The following HTT variants were observed in gnomAD, a reference collection of about 807,000 sequenced individuals.
HTT encodes the protein huntingtin.
HTT carries 104 observed loss-of-function variants against 362.3 expected under a neutral mutation model. The observed-to-expected ratio is 0.29, with a 90% CI of 0.24 to 0.34. The LOEUF (loss-of-function observed/expected upper bound fraction) is 0.34, where lower values mean the gene tolerates loss of function less well. Ranked by LOEUF, HTT falls within the 10% of genes least tolerant of loss-of-function variation. The probability of loss-of-function intolerance (pLI) is 1.00; values close to 1 mark genes in which losing one functional copy is unlikely to be tolerated. For synonymous variants in HTT, 1,577 were observed against 1,548.7 expected (o/e 1.02, Z -0.43); for missense variants, 3,301 against 3,928.6 (o/e 0.84, Z 4.27).
chr4:3,207,082 C>T, intron 44 of HTT, 99 bp downstream of exon 44: 1 of 1,236,922 alleles, frequency 8.1e-7, no homozygotes, highest in Non-Finnish European at 1.1e-6. Flanking sequence ...ATGGTCTTGA[C>T]ATGGTCACCG....
In HTT at chr4:3,206,902, C is replaced by T; in HGVS notation, c.5994C>T (p.Cys1998=). ...VLTLYVDRLL[C]TPFRVLARMV... Reference sequence around the variant, plus strand: ...CGCTGTATGTGGACAGGCTTCTGTGCACCCCTTTCCGTGTGCTGGCTCGCA... The same window carrying T: ...CGCTGTATGTGGACAGGCTTCTGTGTACCCCTTTCCGTGTGCTGGCTCGCA... The change falls in exon 44 of 67, where the codon TGC becomes TGT. Residue 1998 remains cysteine (C), a synonymous_variant. Coordinates refer to ENST00000355072, the MANE Select transcript of HTT (RefSeq NM_001388492.1). The surrounding 1 kb of genome is among the most constrained non-coding windows in gnomAD (Gnocchi z 4.6). 1.9e-6 allele frequency: 3 copies of T among 1,614,170 alleles called. No individual in the cohort carries two copies. Among genetic ancestry groups the T allele is most frequent in the Non-Finnish European group, 2.5e-6 (3 of 1,180,030 alleles).
chr4:3,121,499 T>A (rs1715295184), intron 9 of HTT, 67 bp downstream of exon 9: 1 of 1,075,624 alleles, frequency 9.3e-7, no homozygotes, highest in Non-Finnish European at 1.4e-6. Flanking sequence ...CTCTATTGAT[T>A]ATGGGCCTGC....
intron 40 of HTT, among the ~76,000 whole-genome samples, chr4:3,193,697 G>T (rs908774219): frequency 6.6e-6 from 1 of 152,210 alleles, no homozygotes; most frequent in African/African-American, 2.4e-5. Context: ...CACATGTGGT[G>T]TTCTGTACCT....
chr4:3,240,277 C>G lies in HTT; in HGVS notation c.*218C>G. 1 of 589,866 alleles carries G rather than the reference C, an allele frequency of 1.7e-6. No individual in the cohort carries two copies. Among genetic ancestry groups the G allele is most frequent in the Non-Finnish European group, 3.0e-6 (1 of 330,936 alleles). The allele number at this position is 589,866 out of a possible 1,614,324, so 36.5% of individuals were successfully genotyped here. On this transcript the variant is annotated 3_prime_UTR_variant, in exon 67 of 67. Coordinates refer to ENST00000355072, the MANE Select transcript of HTT (RefSeq NM_001388492.1). ...GTCTGCAGTCCTGGTGGGGCTGAGC[C>G]TGAGGCCTTCCAGAAAGCAGGAGCA...
chr4:3,146,645 G>T, intron 24 of HTT, 152 bp from the exon 25 acceptor site: 2 of 674,034 alleles, frequency 3.0e-6, no homozygotes, highest in Non-Finnish European at 5.1e-6. Flanking sequence ...CTGATTTATA[G>T]GAAAGATGTT....
intron 25 of HTT, among the ~76,000 whole-genome samples, chr4:3,147,624 A>C (rs1424770415): frequency 6.6e-6 from 1 of 152,222 alleles, no homozygotes; most frequent in Non-Finnish European, 1.5e-5. Context: ...AGGAGAAGGT[A>C]GGGAGACTCA....
At position 3,214,042 on chromosome 4, in the gene HTT, C is replaced by T; in HGVS notation, c.6859C>T (p.Gln2287Ter). 1 of 1,609,584 alleles carries T rather than the reference C, an allele frequency of 6.2e-7. No homozygotes were observed. The highest frequency in any genetic ancestry group is 8.5e-7 in the Non-Finnish European group (1 of 1,177,724). ...GCTGGACTGCTGCTGCCTGGCCCTG[C>T]AGCTGCCTGGCCTCTGGAGCGTGGT... ...AGLDCCCLAL[Q>*]LPGLWSVVSS... The change falls in exon 50 of 67, where the codon CAG (glutamine) becomes TAG (stop). Residue 2287 changes from glutamine (Q) to a stop codon, truncating the protein, a stop_gained. Transcript: ENST00000355072. LOFTEE classifies it high-confidence loss of function.
intron 26 of HTT, among the ~76,000 whole-genome samples, chr4:3,151,299 G>A (rs894708247): frequency 2.6e-5 from 4 of 152,096 alleles, no homozygotes; most frequent in African/African-American, 9.7e-5. Context: ...CATGGCAGAA[G>A]GTGAAGGGGA....
At chr4:3,075,330 T>C (rs1712462516) in intron 1 of HTT, among the ~76,000 whole-genome samples, 1 of 152,208 alleles carries the variant, frequency 6.6e-6, no homozygotes, top group African/African-American at 2.4e-5. Context: ...AGGCAGAGCC[T>C]TGTTGGGGCC....
chr4:3,090,363 C>T (rs1435861450), intron 2 of HTT, among the ~76,000 whole-genome samples: 1 of 152,180 alleles, frequency 6.6e-6, no homozygotes, highest in African/African-American at 2.4e-5. Context: ...TTTTCCCAAA[C>T]ATACTTCTGC....
At position 3,238,826 on chromosome 4, in the gene HTT, G is replaced by C. The variant is rs1205456681; in HGVS notation, c.9063G>C (p.Gln3021His). Residue 3021 changes from glutamine (Q) to histidine (H), a missense_variant, in exon 66 of 67, where the codon CAG (glutamine) becomes CAC (histidine). By Grantham distance (24) the Gln-to-His change is conservative (BLOSUM62 0). Around this residue, in one of 4 missense-constraint regions of HTT, gnomAD observed 753 missense variants for 1,021.3 expected, o/e 0.74. Coordinates refer to ENST00000355072, the MANE Select transcript of HTT (RefSeq NM_001388492.1). ...FMATVVYKVFQTLHSTGQSSM... is the reference protein window; with the variant it reads ...FMATVVYKVFHTLHSTGQSSM... Reference sequence around the variant, plus strand: ...CTGCTTGCTCCTTGCAGGTGTTTCAGACTCTGCACAGCACCGGGCAGTCGT... The same window carrying C: ...CTGCTTGCTCCTTGCAGGTGTTTCACACTCTGCACAGCACCGGGCAGTCGT... 1.9e-6 allele frequency: 3 copies of C among 1,604,572 alleles called. No individual in the cohort carries two copies. In the African/African-American group the frequency reaches 4.0e-5, roughly 22 times the overall value.
chr4:3,088,684 G>A (rs1578487677), intron 2 of HTT, among the ~76,000 whole-genome samples: 1 of 150,992 alleles, frequency 6.6e-6, no homozygotes, highest in African/African-American at 2.4e-5. Flanking sequence ...CTTTCTGTCT[G>A]TATGAGTGTA....
intron 28 of HTT, among the ~76,000 whole-genome samples, chr4:3,157,951 A>G (rs1265049560): frequency 6.6e-6 from 1 of 150,540 alleles, no homozygotes. Context: ...TTATTTTGTT[A>G]TATCAATCTA....
At chr4:3,111,883 G>A (rs778287840) in intron 6 of HTT, among the ~76,000 whole-genome samples, 1 of 152,090 alleles carries the variant, frequency 6.6e-6, no homozygotes, top group African/African-American at 2.4e-5. Context: ...TGTATGTGGC[G>A]CCTCCAAAGC....
intron 19 of HTT, among the ~76,000 whole-genome samples, chr4:3,134,870 T>C (rs1277843846): frequency 2.6e-5 from 4 of 152,066 alleles, no homozygotes; most frequent in African/African-American, 4.8e-5. Context: ...GCTAGGAGAA[T>C]AGGTGTGTGC....
At chr4:3,096,018 A>G (rs924924345) in intron 2 of HTT, among the ~76,000 whole-genome samples, 1 of 152,260 alleles carries the variant, frequency 6.6e-6, no homozygotes, top group African/African-American at 2.4e-5. Context: ...AATAACCTAC[A>G]GGTAACAGAA....
At chr4:3,198,215 ATTTTTTTT>A (rs200014691) in intron 40 of HTT, among the ~76,000 whole-genome samples, 25 of 60,382 alleles carry the variant, frequency 4.1e-4, no homozygotes, top group East Asian at 5.6e-4. Context: ...GGATGTGTTG[ATTTTTTTT>A]TTTTTTTTTT....
rs1220384781 is a variant in HTT, at chr4:3,228,424, A to C, written c.7849-191A>C. On this transcript the variant is annotated intron_variant, in intron 57 of 66. Coordinates refer to ENST00000355072, the MANE Select transcript of HTT (RefSeq NM_001388492.1). This position sits in a 1 kb window ranked among gnomAD's most constrained non-coding sequence, Gnocchi z 4.3. The stretch of plus-strand genomic sequence containing the variant: ...CCTTTAGCATGTGCTGGAGCTTCCC[A>C]GCAGCTGTCCAGCCCCTGCCCCACC... Among the ~76,000 whole-genome samples the C allele has an allele frequency of 6.6e-6, 1 of 152,060 alleles. No individual in the cohort carries two copies. The highest frequency in any genetic ancestry group is 6.5e-5 in the Admixed American group (1 of 15,276).
chr4:3,142,343 A>G (rs901043768), intron 22 of HTT, among the ~76,000 whole-genome samples: 6 of 151,976 alleles, frequency 3.9e-5, no homozygotes, highest in African/African-American at 7.2e-5. Flanking sequence ...CCTTTTTTCC[A>G]TGTGTTCTAA....
Sources: gnomAD v4.1 joint callset for allele counts (sites outside exome capture counted in the v4.1 genomes callset) on GRCh38, gnomAD v4.1.1 for gene constraint, gnomAD v4.1.1 regional missense constraint, Gnocchi (gnomAD v3.1) non-coding constraint, MANE v1.5 for transcripts, NCBI Gene and HGNC (gene_info 2026-07-23, HGNC 2026-07-21) for gene names.